The following F13A1 variants were observed in gnomAD, a reference collection of about 807,000 sequenced individuals.
F13A1 encodes FSF, A subunit.
Under a neutral mutation model 80.1 loss-of-function variants are expected in F13A1, and 47 were observed. The observed-to-expected ratio is 0.59, with a 90% confidence interval of 0.46 to 0.75. F13A1 has a LOEUF of 0.75. Ranked by LOEUF, F13A1 falls within the 30% of genes least tolerant of loss-of-function variation. F13A1 has a pLI of 0.00. For missense variants in F13A1, 817 were observed against 930.4 expected, an observed-to-expected ratio of 0.88 and a Z score of 1.59; for synonymous variants, 349 against 344.9, an observed-to-expected ratio of 1.01 and a Z score of -0.13.
intron 12 of F13A1, among the ~76,000 whole-genome samples, chr6:6,171,693 A>G (rs1760778229): frequency 6.6e-6 from 1 of 152,196 alleles, no homozygotes; most frequent in Admixed American, 6.5e-5. Context: ...AAAACTCTCT[A>G]AAGGCTCCTC....
In F13A1 at chr6:6,195,888, G is replaced by A. The variant is rs753688775; in HGVS notation, c.1217-3C>T. 1.6e-5 allele frequency: 26 copies of A among 1,613,802 alleles called. No individual in the cohort carries two copies. The highest frequency in any genetic ancestry group is 1.9e-5 in the Non-Finnish European group (23 of 1,179,854). On this transcript the variant is annotated splice_polypyrimidine_tract_variant and splice_region_variant and intron_variant, in intron 9 of 14. Coordinates refer to ENST00000264870, the MANE Select transcript of F13A1 (RefSeq NM_000129.4). ...GGCGGGGCCACACCGATACATGCCT[G>A]CATTGCACAGAGGAAGGGCGGTGTG...
chr6:6,195,848 G>C lies in F13A1; in HGVS notation c.1254C>G (p.Ile418Met). 6.2e-7 allele frequency: 1 copy of C among 1,614,204 alleles called. No individual in the cohort carries two copies. Among genetic ancestry groups the C allele is most frequent in the Non-Finnish European group, 8.5e-7 (1 of 1,180,026 alleles). The change falls in exon 10 of 15, where the codon ATC becomes ATG. Residue 418 changes from isoleucine to methionine, a missense_variant. Coordinates refer to ENST00000264870, the MANE Select transcript of F13A1 (RefSeq NM_000129.4). ...ATTGGAAGCAGACATGGCCGTGCTTGATGGCTTGAACCGAGGCGGGGCCAC... is the reference window on the plus strand; with the variant it reads ...ATTGGAAGCAGACATGGCCGTGCTTCATGGCTTGAACCGAGGCGGGGCCAC... Reference protein sequence around the residue: ...YRCGPASVQAIKHGHVCFQFD... With the variant: ...YRCGPASVQAMKHGHVCFQFD...
chr6:6,271,455 C>A (rs1422118565), intron 3 of F13A1, among the ~76,000 whole-genome samples: 1 of 152,152 alleles, frequency 6.6e-6, no homozygotes, highest in African/African-American at 2.4e-5. Flanking sequence ...AAACATGGCT[C>A]CATACAGGGA....
intron 8 of F13A1, among the ~76,000 whole-genome samples, chr6:6,208,088 T>TA (rs1169535075): frequency 1.3e-5 from 2 of 152,140 alleles, no homozygotes; most frequent in Non-Finnish European, 2.9e-5. Context: ...ACATTGGACT[T>TA]ACAAGACAAA....
rs575030255 is a variant in F13A1 at position 6,284,671 on chromosome 6, T to A, written c.320-17862A>T. 3.9e-5 allele frequency among the ~76,000 whole-genome samples: 6 copies of A among 152,284 alleles called. No homozygotes were observed. In the South Asian group the frequency reaches 1.2e-3, roughly 32 times the overall value. ...ACTCCAAATGCAGCCAGACACTTGA[T>A]TCAGGGAAATATTTCCTTCTCACTA... is the stretch of plus-strand genomic sequence containing the variant. On this transcript the variant is annotated intron_variant, in intron 3 of 14. Coordinates refer to ENST00000264870, the MANE Select transcript of F13A1 (RefSeq NM_000129.4).
At chr6:6,172,049 C>T (rs565439685) in intron 12 of F13A1, among the ~76,000 whole-genome samples, 1 of 152,306 alleles carries the variant, frequency 6.6e-6, no homozygotes, top group East Asian at 1.9e-4. Flanking sequence ...TTGGTTCCCC[C>T]ATGAGATCAG....
chr6:6,307,561 T>G (rs76733628), intron 2 of F13A1, among the ~76,000 whole-genome samples: 40 of 152,020 alleles, frequency 2.6e-4, no homozygotes, highest in Admixed American at 1.1e-3. Context: ...GTTTTTTTTT[T>G]AAAAATAGCT....
intron 10 of F13A1, among the ~76,000 whole-genome samples, chr6:6,195,361 T>C (rs1761270816): frequency 6.6e-6 from 1 of 152,114 alleles, no homozygotes; most frequent in African/African-American, 2.4e-5. Context: ...AAGGCCAGGG[T>C]AAGACCATGG....
intron 4 of F13A1, among the ~76,000 whole-genome samples, chr6:6,251,570 C>A (rs2113103474): frequency 6.6e-6 from 1 of 152,298 alleles, no homozygotes; most frequent in South Asian, 2.1e-4. Context: ...CCCCGTCTAT[C>A]ATCAGTCTGG....
chr6:6,202,312 G>T (rs1193886112), intron 8 of F13A1, among the ~76,000 whole-genome samples: 1 of 152,112 alleles, frequency 6.6e-6, no homozygotes, highest in Non-Finnish European at 1.5e-5. Flanking sequence ...ATCCATAAGA[G>T]TTTTTCTGTT....
intron 13 of F13A1, among the ~76,000 whole-genome samples, chr6:6,163,225 G>A (rs1161860228): frequency 6.6e-6 from 1 of 152,190 alleles, no homozygotes; most frequent in Admixed American, 6.5e-5. Flanking sequence ...AAAAGGGTGT[G>A]AGCGTTTTCT....
intron 3 of F13A1, among the ~76,000 whole-genome samples, chr6:6,277,678 C>G (rs1351752334): frequency 1.3e-5 from 2 of 152,234 alleles, no homozygotes; most frequent in Non-Finnish European, 2.9e-5. Context: ...CAACCATGGA[C>G]TGGTTCTGGA....
In F13A1 at chr6:6,203,748, GTGGTACTT is replaced by G. The variant is rs144931122; in HGVS notation, c.1113-6430_1113-6423del. Among the ~76,000 whole-genome samples the G allele has an allele frequency of 2.4e-3, 367 of 152,268 alleles. 6 individuals carry two copies. In the East Asian group the frequency reaches 0.054, roughly 22 times the overall value. Reference sequence around the variant, plus strand: ...TTGTGTTTTTTTAAGCTGTTACGTTGTGGTACTTTGGTACTTTGGTATGCAGCATTAAA... The same window carrying G: ...TTGTGTTTTTTTAAGCTGTTACGTTGTGGTACTTTGGTATGCAGCATTAAA... On this transcript the variant is annotated intron_variant, in intron 8 of 14. Transcript: ENST00000264870.
chr6:6,146,151 C>T (rs752653988), intron 14 of F13A1, among the ~76,000 whole-genome samples: 1 of 152,156 alleles, frequency 6.6e-6, no homozygotes, highest in Non-Finnish European at 1.5e-5. Flanking sequence ...TCAGTTTTTG[C>T]CACTAGTTTC....
intron 12 of F13A1, among the ~76,000 whole-genome samples, chr6:6,170,057 G>C (rs749374629): frequency 6.6e-6 from 1 of 152,168 alleles, no homozygotes; most frequent in Non-Finnish European, 1.5e-5. Context: ...TTAGATGAGT[G>C]AGGTTCTGGC....
intron 3 of F13A1, among the ~76,000 whole-genome samples, chr6:6,280,402 T>G (rs1758044654): frequency 6.6e-6 from 1 of 152,166 alleles, no homozygotes; most frequent in Non-Finnish European, 1.5e-5. Flanking sequence ...ACAACAAATA[T>G]GGAACTCAAA....
chr6:6,230,814 G>T (rs1407656982), intron 6 of F13A1, among the ~76,000 whole-genome samples: 1 of 152,190 alleles, frequency 6.6e-6, no homozygotes, highest in Non-Finnish European at 1.5e-5. Flanking sequence ...GGGTAGACTT[G>T]CTGGGTGGGT....
chr6:6,212,370 C>A (rs562703440), intron 8 of F13A1, among the ~76,000 whole-genome samples: 1 of 152,020 alleles, frequency 6.6e-6, no homozygotes, highest in South Asian at 2.1e-4. Flanking sequence ...GGTCCCTGAC[C>A]CCTGACCCCC....
chr6:6,223,585 T>C (rs1354393596), intron 7 of F13A1, among the ~76,000 whole-genome samples: 1 of 152,170 alleles, frequency 6.6e-6, no homozygotes, highest in Non-Finnish European at 1.5e-5. Flanking sequence ...TCCCAAGAAA[T>C]ATGTATTCCT....
Sources: gnomAD v4.1 joint callset for allele counts (sites outside exome capture counted in the v4.1 genomes callset) on GRCh38, gnomAD v4.1.1 for gene constraint, MANE v1.5 for transcripts, NCBI Gene and HGNC (gene_info 2026-07-23, HGNC 2026-07-21) for gene names.